The following EFCAB13 variants were observed in gnomAD, a reference collection of about 807,000 sequenced individuals.
The protein encoded by EFCAB13 is EF-hand calcium binding domain 13, also known as EF-hand calcium-binding domain-containing protein 13.
In EFCAB13, 91 loss-of-function variants were observed where a neutral mutation model predicts 110.2. That is an observed-to-expected ratio of 0.83 (90% CI 0.70 to 0.98). The LOEUF is 0.98. EFCAB13 is among the 50% of genes least tolerant of loss of function. The pLI, the probability that EFCAB13 is intolerant of heterozygous loss-of-function variation, is 0.00. For synonymous variants in EFCAB13, 323 were observed against 369.9 expected, an observed-to-expected ratio of 0.87 and a Z score of 1.45; for missense variants, 968 against 1,119.4, an observed-to-expected ratio of 0.86 and a Z score of 1.93.
Position 47,374,865 on chromosome 17 carries a change from A to G in EFCAB13, c.1271A>G (p.Asp424Gly), listed in dbSNP as rs764841045. 1.2e-6 allele frequency: 2 copies of G among 1,613,402 alleles called. No homozygotes were observed. The highest frequency in any genetic ancestry group is 1.7e-5 in the Admixed American group (1 of 59,878). The change falls in exon 12 of 25, where the codon GAT becomes GGT. Residue 424 changes from aspartate to glycine, a missense_variant. By Grantham distance (94) the Asp-to-Gly change is moderately conservative (BLOSUM62 -1). Transcript: ENST00000331493. Reference protein sequence around the residue: ...TSLSKSLDKSDISSIPKLQKP... With the variant: ...TSLSKSLDKSGISSIPKLQKP... Reference sequence around the variant, plus strand: ...CTCAGTAAGTCTCTGGATAAAAGTGATATTTCTAGTATCCCAAAACTTCAG... The same window carrying G: ...CTCAGTAAGTCTCTGGATAAAAGTGGTATTTCTAGTATCCCAAAACTTCAG...
At position 47,335,438 on chromosome 17, in the gene EFCAB13, G is replaced by A. The variant is rs144892013; in HGVS notation, c.191+82G>A. Reference sequence around the variant, plus strand: ...GCCAAAATGTAGCTGTGGCTTATGCGTTCTCATAATGTACCATGTGTATAG... The same window carrying A: ...GCCAAAATGTAGCTGTGGCTTATGCATTCTCATAATGTACCATGTGTATAG... On this transcript the variant is annotated intron_variant, in intron 5 of 24. Transcript: ENST00000331493. The A allele has an allele frequency of 4.9e-4, 575 of 1,185,178 alleles. 1 individual carries two copies. The highest frequency in any genetic ancestry group is 3.3e-3 in the Middle Eastern group (11 of 3,364). 73.4% of individuals were successfully genotyped at this position (1,185,178 alleles called of 1,614,324 possible). A position where few individuals can be genotyped will look rare whatever the true frequency, so the allele number is the denominator to read the frequency against.
At chr17:47,339,140 T>C (rs2065369191) in intron 5 of EFCAB13, among the ~76,000 whole-genome samples, 1 of 152,176 alleles carries the variant, frequency 6.6e-6, no homozygotes, top group African/African-American at 2.4e-5. Flanking sequence ...ATAATCTAGT[T>C]AGTCACTGTC....
At chr17:47,397,109 T>G (rs1598749127) in intron 17 of EFCAB13, among the ~76,000 whole-genome samples, 1 of 134,222 alleles carries the variant, frequency 7.5e-6, no homozygotes, top group East Asian at 2.6e-4. Context: ...TGCAACCTCC[T>G]TGCCTGATTC....
chr17:47,439,588 G>A (rs906163411), intron 24 of EFCAB13, among the ~76,000 whole-genome samples: 4 of 152,106 alleles, frequency 2.6e-5, no homozygotes, highest in Non-Finnish European at 5.9e-5. Flanking sequence ...TAGTTACACT[G>A]TAGGCATGGA....
chr17:47,385,308 A>G (rs576067623), intron 14 of EFCAB13, among the ~76,000 whole-genome samples: 14 of 152,114 alleles, frequency 9.2e-5, no homozygotes, highest in African/African-American at 2.9e-4. Flanking sequence ...GTCTTTTCAC[A>G]TAGTCCCATA....
intron 12 of EFCAB13, 174 bp from the exon 13 acceptor site, chr17:47,377,592 A>G: frequency 2.3e-6 from 1 of 439,226 alleles, no homozygotes; most frequent in Non-Finnish European, 3.9e-6. Context: ...TGTAAGAGAA[A>G]GATTAAATAT....
intron 13 of EFCAB13, 65 bp downstream of exon 13, chr17:47,377,968 A>G: frequency 7.2e-7 from 1 of 1,380,176 alleles, no homozygotes; most frequent in Non-Finnish European, 9.8e-7. Context: ...AGTATTAAAT[A>G]TTGGAGGAAT....
intron 4 of EFCAB13, among the ~76,000 whole-genome samples, chr17:47,330,251 T>A (rs74495289): frequency 0.041 from 6,234 of 152,090 alleles, 290 homozygotes; most frequent in East Asian, 0.24. Flanking sequence ...TCTTTTTTTT[T>A]AAATATAGGC....
rs1393739696 is a variant in EFCAB13 at position 47,347,831 on chromosome 17, T to G, written c.541T>G (p.Phe181Val). ...AGCACTTCATAAAGCCTGTAAAATT[T>G]TTAGTAAAATTCGAAGTGGTAAGAT... ...LSALHKACKI[F>V]SKIRSGKIYV... is the part of the protein sequence containing the mutation. Residue 181 changes from phenylalanine (F) to valine (V), a missense_variant, in exon 9 of 25, where the codon TTT becomes GTT. Transcript: ENST00000331493. The G allele has an allele frequency of 4.0e-6, 6 of 1,506,442 alleles. No individual in the cohort carries two copies. In the Admixed American group the frequency reaches 5.4e-5, roughly 14 times the overall value. 93.3% of individuals were successfully genotyped at this position (1,506,442 alleles called of 1,614,324 possible).
chr17:47,409,805 T>A, intron 21 of EFCAB13, 114 bp downstream of exon 21: 1 of 810,538 alleles, frequency 1.2e-6, no homozygotes, highest in Non-Finnish European at 2.1e-6. Context: ...GCCAGATTAC[T>A]ATTTTTCCAC....
chr17:47,388,577 C>T (rs11870948), intron 14 of EFCAB13, among the ~76,000 whole-genome samples: 3,438 of 152,128 alleles, frequency 0.023, 107 homozygotes, highest in East Asian at 0.18. Context: ...TAGTATGTAT[C>T]GGTAGTTCAT....
intron 10 of EFCAB13, among the ~76,000 whole-genome samples, 169 bp from the exon 11 acceptor site, chr17:47,370,268 C>T (rs55756546): frequency 0.088 from 13,380 of 152,160 alleles, 847 homozygotes; most frequent in East Asian, 0.35. Flanking sequence ...TTATGTTGGG[C>T]GTGTACTGAG....
intron 9 of EFCAB13, among the ~76,000 whole-genome samples, chr17:47,351,317 G>GCACGCGCGCGCGCGCGCA (rs1555578791): frequency 8.8e-6 from 1 of 113,916 alleles, no homozygotes; most frequent in Non-Finnish European, 1.9e-5. Context: ...GCGCGCGCGC[G>GCACGCGCGCGCGCGCGCA]CGCGCGCGCG....
At chr17:47,393,187 G>A (rs1235537653) in intron 15 of EFCAB13, among the ~76,000 whole-genome samples, 1 of 152,060 alleles carries the variant, frequency 6.6e-6, no homozygotes, top group Non-Finnish European at 1.5e-5. Context: ...CGGGACTAAA[G>A]GCACAAGCCA....
chr17:47,346,820 A>G (rs2065419618), intron 8 of EFCAB13, among the ~76,000 whole-genome samples: 1 of 152,106 alleles, frequency 6.6e-6, no homozygotes, highest in African/African-American at 2.4e-5. Context: ...TTTTTCAGAG[A>G]AGCCTTTTGA....
chr17:47,423,804 C>T (rs1197376781), intron 23 of EFCAB13, among the ~76,000 whole-genome samples: 2 of 152,018 alleles, frequency 1.3e-5, no homozygotes, highest in East Asian at 1.9e-4. Context: ...CTGCACCTCA[C>T]CCTCCTGCAC....
At chr17:47,414,457 G>A (rs113635979) in intron 22 of EFCAB13, among the ~76,000 whole-genome samples, 11 of 150,240 alleles carry the variant, frequency 7.3e-5, no homozygotes, top group African/African-American at 2.7e-4. Flanking sequence ...AGCTTGCAGT[G>A]AGCAGAGATT....
intron 23 of EFCAB13, among the ~76,000 whole-genome samples, chr17:47,420,671 C>T (rs372707598): frequency 4.6e-5 from 7 of 151,516 alleles, no homozygotes; most frequent in East Asian, 2.0e-4. Context: ...CGTCTCTGCC[C>T]GGCCGCCCCG....
chr17:47,415,193 C>T (rs1904397213), intron 23 of EFCAB13, among the ~76,000 whole-genome samples: 1 of 151,506 alleles, frequency 6.6e-6, no homozygotes, highest in South Asian at 2.1e-4. Flanking sequence ...ACAATGAGAA[C>T]ACATGGACAC....
Sources: gnomAD v4.1 joint callset for allele counts (sites outside exome capture counted in the v4.1 genomes callset) on GRCh38, gnomAD v4.1.1 for gene constraint, MANE v1.5 for transcripts, NCBI Gene and HGNC (gene_info 2026-07-23, HGNC 2026-07-21) for gene names.